Variants in NEO1 observed in about 807,000 individuals in gnomAD.
NEO1 encodes neogenin.
NEO1 carries 63 observed loss-of-function variants against 159.7 expected under a neutral mutation model. The observed-to-expected ratio is 0.39, with a 90% CI of 0.32 to 0.49. The LOEUF is 0.49. Among genes scored for constraint, NEO1 ranks in the 20% least tolerant of loss-of-function variants. The probability of loss-of-function intolerance (pLI) is 0.85; values close to 1 mark genes in which losing one functional copy is unlikely to be tolerated. For missense variants in NEO1, 1,615 were observed against 1,831.0 expected, an observed-to-expected ratio of 0.88 and a Z score of 2.15; for synonymous variants, 633 against 662.0, an observed-to-expected ratio of 0.96 and a Z score of 0.67.
At chr15:73,197,807 A>C (rs1216172567) in intron 7 of NEO1, among the ~76,000 whole-genome samples, 1 of 151,416 alleles carries the variant, frequency 6.6e-6, no homozygotes, top group African/African-American at 2.4e-5. Context: ...CAGCCTCCCA[A>C]GTAGCTAGGA....
chr15:73,156,395 G>T (rs988558597), intron 5 of NEO1, among the ~76,000 whole-genome samples: 1 of 152,148 alleles, frequency 6.6e-6, no homozygotes, highest in Admixed American at 6.5e-5. Flanking sequence ...GTATATGCTG[G>T]CACCCATGTT....
At chr15:73,092,258 A>G (rs1389821435) in intron 1 of NEO1, among the ~76,000 whole-genome samples, 1 of 152,176 alleles carries the variant, frequency 6.6e-6, no homozygotes, top group African/African-American at 2.4e-5. Flanking sequence ...ATATCAATTT[A>G]ATAGAGGAAC....
rs370031109 is a variant in NEO1 at position 73,270,196 on chromosome 15, G to A, written c.2681G>A (p.Arg894Gln). ...ACAGACTCCCGATACTACACCGTCC[G>A]ATGGAAAACCAACATCCCAGCAAAC... is the stretch of plus-strand genomic sequence containing the variant. ...KITDSRYYTVRWKTNIPANTK... is the reference protein window; with the variant it reads ...KITDSRYYTVQWKTNIPANTK... The change falls in exon 17 of 29, where the codon CGA (arginine) becomes CAA (glutamine). Residue 894 changes from arginine (R) to glutamine (Q), a missense_variant. Coordinates refer to ENST00000261908, the MANE Select transcript of NEO1 (RefSeq NM_002499.4). The A allele has an allele frequency of 2.4e-5, 38 of 1,614,030 alleles. No homozygotes were observed. Among genetic ancestry groups the A allele is most frequent in the Admixed American group, 5.0e-5 (3 of 60,000 alleles).
intron 9 of NEO1, among the ~76,000 whole-genome samples, chr15:73,246,354 G>A (rs1444710846): frequency 6.6e-6 from 1 of 152,224 alleles, no homozygotes; most frequent in Non-Finnish European, 1.5e-5. Flanking sequence ...TTTAAGGGAA[G>A]AGTGTGTTCT....
intron 1 of NEO1, among the ~76,000 whole-genome samples, chr15:73,088,421 T>G (rs2069486629): frequency 6.6e-6 from 1 of 152,060 alleles, no homozygotes; most frequent in East Asian, 1.9e-4. Flanking sequence ...GGAACTGTGC[T>G]TCTTTTAGGT....
chr15:73,067,218 T>A (rs1430690894), intron 1 of NEO1, among the ~76,000 whole-genome samples: 1 of 152,332 alleles, frequency 6.6e-6, no homozygotes, highest in East Asian at 1.9e-4. Context: ...AGTATTCTTT[T>A]AAGTTTCTTT....
chr15:73,071,046 C>A (rs11632079), intron 1 of NEO1, among the ~76,000 whole-genome samples: 13,179 of 152,068 alleles, frequency 0.087, 658 homozygotes, highest in Non-Finnish European at 0.1. Context: ...CTAACGGTAG[C>A]CTTCAACTCC....
chr15:73,057,360 T>C (rs2067758496), intron 1 of NEO1, among the ~76,000 whole-genome samples: 1 of 152,170 alleles, frequency 6.6e-6, no homozygotes, highest in South Asian at 2.1e-4. Context: ...GGAGGCTGTA[T>C]TTAATAGTCT....
chr15:73,251,786 G>A (rs1207496579), intron 11 of NEO1, among the ~76,000 whole-genome samples: 3 of 152,124 alleles, frequency 2.0e-5, no homozygotes, highest in East Asian at 1.9e-4. Flanking sequence ...TCTTGGTTCC[G>A]ATGCCAGGTG....
chr15:73,116,856 A>G lies in NEO1; in HGVS notation c.447A>G (p.Ala149=). The G allele has an allele frequency of 6.6e-7, 1 of 1,519,390 alleles. No homozygotes were observed. Among genetic ancestry groups the G allele is most frequent in the Non-Finnish European group, 8.8e-7 (1 of 1,141,540 alleles). The allele number at this position is 1,519,390 out of a possible 1,614,324, so 94.1% of individuals were successfully genotyped here. A position where few individuals can be genotyped will look rare whatever the true frequency, so the allele number is the denominator to read the frequency against. ...GTAGAACAGCGAAGCTCATAGTAGCAGGTAAGTTTTAAGTGATTTTTTTTT... is the reference window on the plus strand; with the variant it reads ...GTAGAACAGCGAAGCTCATAGTAGCGGGTAAGTTTTAAGTGATTTTTTTTT... The part of the protein sequence containing the change: ...IISRTAKLIV[A]GLPRFTSQPE... Residue 149 remains alanine (A), a splice_region_variant and synonymous_variant, in exon 2 of 29, where the codon GCA becomes GCG. Transcript: ENST00000261908.
chr15:73,147,650 A>G (rs745657747), intron 5 of NEO1, among the ~76,000 whole-genome samples: 11 of 152,152 alleles, frequency 7.2e-5, no homozygotes, highest in Non-Finnish European at 1.6e-4. Context: ...AGATTTGACT[A>G]TCATTGTTGG....
chr15:73,150,861 T>C (rs2033311475), intron 5 of NEO1, among the ~76,000 whole-genome samples: 1 of 152,254 alleles, frequency 6.6e-6, no homozygotes, highest in African/African-American at 2.4e-5. Context: ...ATTAGTTTTG[T>C]CTGTCCTAAA....
At chr15:73,114,859 T>C (rs1487253042) in intron 1 of NEO1, among the ~76,000 whole-genome samples, 5 of 152,196 alleles carry the variant, frequency 3.3e-5, no homozygotes. Flanking sequence ...TTAGTTTAGC[T>C]ATCTTTTTAT....
intron 26 of NEO1, among the ~76,000 whole-genome samples, chr15:73,295,674 A>T (rs1393549031): frequency 6.6e-6 from 1 of 152,210 alleles, no homozygotes; most frequent in South Asian, 2.1e-4. Context: ...GATTTGAAAT[A>T]TAGAGCAAGT....
At chr15:73,274,589 G>T (rs1596554790) in intron 20 of NEO1, 103 bp from the exon 21 acceptor site, 11 of 1,096,904 alleles carry the variant, frequency 1.0e-5, no homozygotes, top group African/African-American at 4.7e-5. Flanking sequence ...TTGGAAGTTT[G>T]TGGGGGTTTT....
chr15:73,249,318 T>A, intron 10 of NEO1, 110 bp downstream of exon 10: 1 of 1,255,586 alleles, frequency 8.0e-7, no homozygotes, highest in Non-Finnish European at 1.1e-6. Flanking sequence ...AAAAGAAACA[T>A]AGGAAATGAA....
chr15:73,170,593 A>T (rs528439837), intron 5 of NEO1, among the ~76,000 whole-genome samples: 6 of 152,296 alleles, frequency 3.9e-5, no homozygotes, highest in African/African-American at 1.4e-4. Flanking sequence ...TAATAACCTG[A>T]GTGAATTGAA....
rs2151202268 is a variant in NEO1, at chr15:73,304,201, A to G, written c.*1505A>G. ...GGTGAACCCAGCCGCTCAGCCACAC[A>G]TGGAAGCCATTGCCTTTGCACATAG... is the stretch of plus-strand genomic sequence containing the variant. On this transcript the variant is annotated 3_prime_UTR_variant, in exon 29 of 29. Coordinates refer to ENST00000261908, the MANE Select transcript of NEO1 (RefSeq NM_002499.4). The G allele has an allele frequency of 6.6e-6, 1 of 152,096 alleles. No homozygotes were observed. Among genetic ancestry groups the G allele is most frequent in the South Asian group, 2.1e-4 (1 of 4,810 alleles). The allele number at this position is 152,096 out of a possible 1,614,324, so 9.4% of individuals were successfully genotyped here.
At chr15:73,089,038 T>C (rs2069528212) in intron 1 of NEO1, among the ~76,000 whole-genome samples, 1 of 152,154 alleles carries the variant, frequency 6.6e-6, no homozygotes, top group African/African-American at 2.4e-5. Flanking sequence ...ATGAAAAAGC[T>C]CTTTGAGGAA....
Sources: gnomAD v4.1 joint callset for allele counts (sites outside exome capture counted in the v4.1 genomes callset) on GRCh38, gnomAD v4.1.1 for gene constraint, MANE v1.5 for transcripts, NCBI Gene and HGNC (gene_info 2026-07-23, HGNC 2026-07-21) for gene names.